Variants in PSMD3 observed in about 807,000 individuals in gnomAD.
PSMD3 encodes the protein 26S proteasome non-ATPase regulatory subunit 3.
Under a neutral mutation model 62.8 loss-of-function variants are expected in PSMD3, and 5 were observed. That is an observed-to-expected ratio of 0.08 (90% CI 0.04 to 0.17). PSMD3 has a LOEUF of 0.17. Among genes scored for constraint, PSMD3 ranks in the 10% least tolerant of loss-of-function variants. The probability of loss-of-function intolerance (pLI) is 1.00; values close to 1 mark genes in which losing one functional copy is unlikely to be tolerated. For synonymous variants in PSMD3, 265 were observed against 283.9 expected (o/e 0.93, Z 0.67); for missense variants, 524 against 713.6 (o/e 0.73, Z 3.03).
chr17:39,984,449 G>A lies in PSMD3; in HGVS notation c.376G>A (p.Ala126Thr), dbSNP rs567691169. 5.8e-5 allele frequency: 93 copies of A among 1,612,870 alleles called. 1 individual carries two copies. The South Asian group carries it at 8.4e-4, about 14-fold the overall frequency. The change falls in exon 2 of 12, where the codon GCC (alanine) becomes ACC (threonine). Residue 126 changes from alanine to threonine, a missense_variant. Ala to Thr is a moderately conservative substitution (Grantham distance 58). This residue lies in a region of PSMD3 where 396 missense variants were observed against 475.8 expected (regional missense o/e 0.83). Coordinates refer to ENST00000264639, the MANE Select transcript of PSMD3 (RefSeq NM_002809.4). ...AVQGFFTSNN[A>T]TRDFLLPFLE... ...GCAGGGCTTCTTCACTTCAAATAATGCCACTCGAGACTTTTTGCTCCCCTT... is the reference window on the plus strand; with the variant it reads ...GCAGGGCTTCTTCACTTCAAATAATACCACTCGAGACTTTTTGCTCCCCTT...
At chr17:39,985,096 C>T (rs1285209940) in intron 2 of PSMD3, among the ~76,000 whole-genome samples, 1 of 152,092 alleles carries the variant, frequency 6.6e-6, no homozygotes, top group African/African-American at 2.4e-5. Flanking sequence ...GGCATGGTGG[C>T]ACCTGCCTGT....
chr17:39,997,241 C>T, intron 10 of PSMD3, 89 bp from the exon 11 acceptor site: 1 of 1,305,328 alleles, frequency 7.7e-7, no homozygotes, highest in Non-Finnish European at 1.1e-6. Flanking sequence ...TGGTGTCTAG[C>T]TCACAGAGGG....
chr17:39,990,338 C>T (rs1236887179), intron 6 of PSMD3, 141 bp downstream of exon 6: 2 of 698,680 alleles, frequency 2.9e-6, no homozygotes, highest in Admixed American at 2.7e-5. Flanking sequence ...GCTGGGATCA[C>T]AGGTATGAGC....
chr17:39,986,770 G>T, intron 3 of PSMD3, 58 bp downstream of exon 3: 1 of 1,579,628 alleles, frequency 6.3e-7, no homozygotes, highest in Non-Finnish European at 8.7e-7. Flanking sequence ...GGGGTTTGGC[G>T]GGGAGATGGT....
chr17:39,990,769 T>G (rs1164355501), intron 6 of PSMD3, among the ~76,000 whole-genome samples: 1 of 152,088 alleles, frequency 6.6e-6, no homozygotes. Flanking sequence ...AAACCCCAGG[T>G]TTTTATCTAG....
chr17:39,985,309 G>C (rs1351609912), intron 2 of PSMD3, among the ~76,000 whole-genome samples: 1 of 152,190 alleles, frequency 6.6e-6, no homozygotes, highest in Non-Finnish European at 1.5e-5. Context: ...GTACCTGTGG[G>C]ACTTGGGCGA....
At chr17:39,989,589 C>T in intron 4 of PSMD3, 150 bp from the exon 5 acceptor site, 1 of 761,612 alleles carries the variant, frequency 1.3e-6, no homozygotes, top group Non-Finnish European at 2.1e-6. Context: ...TGCTGTACAC[C>T]TTAGGCACTC....
In PSMD3 at chr17:39,996,088, T is replaced by G; in HGVS notation, c.1321-95T>G. The G allele has an allele frequency of 4.7e-6, 7 of 1,494,732 alleles. No homozygotes were observed. Among genetic ancestry groups the G allele is most frequent in the Non-Finnish European group, 5.5e-6 (6 of 1,084,688 alleles). The allele number at this position is 1,494,732 out of a possible 1,614,324, so 92.6% of individuals were successfully genotyped here. A position where few individuals can be genotyped will look rare whatever the true frequency, so the allele number is the denominator to read the frequency against. On this transcript the variant is annotated intron_variant, in intron 9 of 11. Transcript: ENST00000264639. The surrounding 1 kb of genome is among the most constrained non-coding windows in gnomAD (Gnocchi z 5.1). ...GAGCTGAGATCGCACCACCGCACTCTCCTGCCTGGGTGACAGAGCGAGACT... is the reference window on the plus strand; with the variant it reads ...GAGCTGAGATCGCACCACCGCACTCGCCTGCCTGGGTGACAGAGCGAGACT...
At chr17:39,994,542 A>G in intron 6 of PSMD3, 1 of 235,090 alleles carries the variant, frequency 4.3e-6, no homozygotes, top group East Asian at 1.0e-4. Context: ...CCTCTCCTCT[A>G]GTAACAGTCC....
chr17:39,991,895 T>C (rs1196314103), intron 6 of PSMD3, among the ~76,000 whole-genome samples: 1 of 152,006 alleles, frequency 6.6e-6, no homozygotes, highest in African/African-American at 2.4e-5. Context: ...CGTGATGGCA[T>C]GCACCTGTAG....
chr17:39,989,977 C>G (rs1430791469), intron 5 of PSMD3, 48 bp downstream of exon 5: 3 of 1,593,362 alleles, frequency 1.9e-6, no homozygotes, highest in African/African-American at 2.7e-5. Context: ...CTCAGGCCTG[C>G]CTGGTGCAAA....
intron 6 of PSMD3, among the ~76,000 whole-genome samples, chr17:39,992,776 G>T (rs576295138): frequency 5.2e-5 from 4 of 76,984 alleles, no homozygotes; most frequent in South Asian, 1.4e-3. Context: ...TCTCTCAGGC[G>T]GCCGTTCCTG....
Position 39,997,626 on chromosome 17 carries a change from TC to T in PSMD3, c.*50del. The T allele has an allele frequency of 6.3e-7, 1 of 1,589,548 alleles. No homozygotes were observed. The highest frequency in any genetic ancestry group is 8.6e-7 in the Non-Finnish European group (1 of 1,163,054). On this transcript the variant is annotated 3_prime_UTR_variant, in exon 12 of 12. Transcript: ENST00000264639. ...GTAGGGGGAATGGGGACAGGCTCTT[TC>T]CCCCTTGGGGGTCCCCTGCCCAGGG...
At chr17:39,984,148 C>T (rs897030210) in intron 1 of PSMD3, 146 bp from the exon 2 acceptor site, 10 of 674,348 alleles carry the variant, frequency 1.5e-5, no homozygotes, top group Middle Eastern at 4.3e-4. Flanking sequence ...TGCAGTGAGC[C>T]GAGATCACAC....
At chr17:39,981,868 A>C (rs1980393805) in intron 1 of PSMD3, among the ~76,000 whole-genome samples, 1 of 152,084 alleles carries the variant, frequency 6.6e-6, no homozygotes. Context: ...AAACTCCTAT[A>C]TACCGGTGTC....
rs1474509201 is a variant in PSMD3 at position 39,981,103 on chromosome 17, G to A, written c.133G>A (p.Gly45Ser). 2.6e-6 allele frequency: 4 copies of A among 1,550,616 alleles called. No homozygotes were observed. In the African/African-American group the frequency reaches 4.1e-5, roughly 16 times the overall value. ...VEMKEEAATG[G>S]GSTGEADGKT... ...GATGAAAGAGGAGGCAGCGACGGGT[G>A]GCGGGTCGACGGGGGAGGCAGACGG... The change falls in exon 1 of 12, where the codon GGC becomes AGC. Residue 45 changes from glycine to serine, a missense_variant. Gly to Ser is a moderately conservative substitution (Grantham distance 56, BLOSUM62 0). This residue lies in a region of PSMD3 where 396 missense variants were observed against 475.8 expected (regional missense o/e 0.83). Transcript: ENST00000264639.
At position 39,996,635 on chromosome 17, in the gene PSMD3, T is replaced by C. The variant is rs1389660663; in HGVS notation, c.1476+297T>C. ...TTCCAAATTTGAGGCATTTAACTTCTCAAAGCTCTGTTTCTCCATCTCTGA... is the reference window on the plus strand; with the variant it reads ...TTCCAAATTTGAGGCATTTAACTTCCCAAAGCTCTGTTTCTCCATCTCTGA... On this transcript the variant is annotated intron_variant, in intron 10 of 11. Transcript: ENST00000264639. The surrounding 1 kb of genome is among the most constrained non-coding windows in gnomAD (Gnocchi z 5.1). 3.5e-6 allele frequency: 2 copies of C among 571,710 alleles called. No individual in the cohort carries two copies. The highest frequency in any genetic ancestry group is 6.6e-6 in the Non-Finnish European group (2 of 302,724). 35.4% of individuals were successfully genotyped at this position (571,710 alleles called of 1,614,324 possible). A position where few individuals can be genotyped will look rare whatever the true frequency, so the allele number is the denominator to read the frequency against.
At chr17:39,988,926 G>C in intron 4 of PSMD3, 107 bp downstream of exon 4, 1 of 1,439,818 alleles carries the variant, frequency 6.9e-7, no homozygotes, top group Non-Finnish European at 9.5e-7. Context: ...GTAGATGTAA[G>C]CAGGGAAGAG....
rs778378600 is a variant in PSMD3, at chr17:39,989,944, C to G, written c.877+15C>G. On this transcript the variant is annotated intron_variant, in intron 5 of 11. Transcript: ENST00000264639. ...CTACTACACAGGTGAGCAGAGGGGC[C>G]CAACCCATAAATCAGAAGGTGTCTC... 2 of 1,605,060 alleles carry G rather than the reference C, an allele frequency of 1.2e-6. No individual in the cohort carries two copies. The highest frequency in any genetic ancestry group is 1.7e-6 in the Non-Finnish European group (2 of 1,172,838).
Sources: gnomAD v4.1 joint callset for allele counts (sites outside exome capture counted in the v4.1 genomes callset) on GRCh38, gnomAD v4.1.1 for gene constraint, gnomAD v4.1.1 regional missense constraint, Gnocchi (gnomAD v3.1) non-coding constraint, MANE v1.5 for transcripts, NCBI Gene and HGNC (gene_info 2026-07-23, HGNC 2026-07-21) for gene names.